Variants in UEVLD observed in about 807,000 individuals in gnomAD.
The protein encoded by UEVLD is ubiquitin-conjugating enzyme E2 variant 3.
In UEVLD, 47 loss-of-function variants were observed where a neutral mutation model predicts 58.6. The ratio of observed to expected loss-of-function variants is 0.80; its 90% CI spans 0.63 to 1.02. UEVLD has a LOEUF of 1.02. Ranked by LOEUF, UEVLD falls within the 50% of genes least tolerant of loss-of-function variation. The probability of loss-of-function intolerance (pLI) is 0.00; values close to 1 mark genes in which losing one functional copy is unlikely to be tolerated. For synonymous variants in UEVLD, 197 were observed against 195.3 expected (o/e 1.01, Z -0.07); for missense variants, 510 against 550.6 (o/e 0.93, Z 0.74).
chr11:18,560,825 A>G (rs1851996694), intron 6 of UEVLD, among the ~76,000 whole-genome samples: 1 of 152,130 alleles, frequency 6.6e-6, no homozygotes, highest in South Asian at 2.1e-4. Flanking sequence ...CCCGTAGCCA[A>G]CATGGTGAAA....
chr11:18,565,106 G>C, intron 5 of UEVLD, 96 bp from the exon 6 acceptor site: 1 of 863,080 alleles, frequency 1.2e-6, no homozygotes, highest in African/African-American at 1.7e-5. Flanking sequence ...ATAGCTTAGA[G>C]AGAAAATATG....
intron 1 of UEVLD, among the ~76,000 whole-genome samples, chr11:18,581,554 T>G (rs1006994623): frequency 2.6e-5 from 4 of 151,762 alleles, no homozygotes; most frequent in Non-Finnish European, 5.9e-5. Flanking sequence ...CATGCTGGCA[T>G]GCACCTGTAA....
At chr11:18,568,547 T>C (rs2134030797) in intron 4 of UEVLD, among the ~76,000 whole-genome samples, 1 of 152,332 alleles carries the variant, frequency 6.6e-6, no homozygotes, top group Admixed American at 6.5e-5. Context: ...TCCTTCCAAC[T>C]GACAAATTTT....
chr11:18,579,103 G>A (rs953136065), intron 1 of UEVLD, among the ~76,000 whole-genome samples: 6 of 152,030 alleles, frequency 3.9e-5, no homozygotes, highest in East Asian at 1.9e-4. Context: ...TCCTGACCTC[G>A]TGATCTGCCT....
intron 7 of UEVLD, among the ~76,000 whole-genome samples, chr11:18,555,113 G>T (rs965979321): frequency 1.3e-5 from 2 of 151,928 alleles, no homozygotes; most frequent in Non-Finnish European, 2.9e-5. Context: ...AACATAGTGG[G>T]ACCCTGTCTC....
At chr11:18,551,458 T>G (rs1026388322) in intron 7 of UEVLD, among the ~76,000 whole-genome samples, 10 of 136,154 alleles carry the variant, frequency 7.3e-5, no homozygotes, top group African/African-American at 2.5e-4. Context: ...GGATAAAAGT[T>G]CATTCGACAA....
chr11:18,550,774 G>C (rs1224727815), intron 7 of UEVLD, among the ~76,000 whole-genome samples: 2 of 152,208 alleles, frequency 1.3e-5, no homozygotes, highest in Non-Finnish European at 2.9e-5. Context: ...TGACCAAATA[G>C]AGTCTTCCAT....
Position 18,558,289 on chromosome 11 carries a change from C to G in UEVLD, c.654G>C (p.Gly218=). Residue 218 remains glycine (G), a synonymous_variant, in exon 7 of 12, where the codon GGG becomes GGC. Transcript: ENST00000396197. ...CAAGGTCCATCGTGGCTCCTTTAGT[C>G]CCTTCTGAGAGGTCTAAGAGGACAA... ...DRLVLLDLSE[G]TKGATMDLEI... 6.2e-7 allele frequency: 1 copy of G among 1,613,422 alleles called. No individual in the cohort carries two copies. The highest frequency in any genetic ancestry group is 8.5e-7 in the Non-Finnish European group (1 of 1,179,718).
At chr11:18,557,704 C>G (rs1851818983) in intron 7 of UEVLD, among the ~76,000 whole-genome samples, 1 of 152,104 alleles carries the variant, frequency 6.6e-6, no homozygotes, top group Admixed American at 6.6e-5. Context: ...GCTGGGACTA[C>G]AGTCATGAGC....
intron 1 of UEVLD, among the ~76,000 whole-genome samples, chr11:18,585,590 G>C (rs1375344488): frequency 6.6e-6 from 1 of 151,870 alleles, no homozygotes; most frequent in East Asian, 1.9e-4. Context: ...CTGATATTTG[G>C]TAGAGCAGGT....
chr11:18,580,048 T>C (rs1853149831), intron 1 of UEVLD, among the ~76,000 whole-genome samples: 1 of 150,024 alleles, frequency 6.7e-6, no homozygotes, highest in Admixed American at 6.6e-5. Flanking sequence ...TTTTTTTTTT[T>C]TTTTTTTTTT....
Position 18,588,733 on chromosome 11 carries a change from C to T in UEVLD, c.-79G>A. ...CGGACTTGCTGCAGGACGGAAGCCGCTGAGGACCAAACTTCCCGGCGGTCC... is the reference window on the plus strand; with the variant it reads ...CGGACTTGCTGCAGGACGGAAGCCGTTGAGGACCAAACTTCCCGGCGGTCC... On this transcript the variant is annotated 5_prime_UTR_variant, in exon 1 of 12. Transcript: ENST00000396197. The T allele has an allele frequency of 6.5e-7, 1 of 1,527,780 alleles. No homozygotes were observed. The allele number at this position is 1,527,780 out of a possible 1,614,324, so 94.6% of individuals were successfully genotyped here. A position where few individuals can be genotyped will look rare whatever the true frequency, so the allele number is the denominator to read the frequency against.
intron 9 of UEVLD, among the ~76,000 whole-genome samples, chr11:18,538,260 T>A (rs917759585): frequency 1.3e-5 from 2 of 152,016 alleles, no homozygotes; most frequent in Admixed American, 1.3e-4. Context: ...ATTATTCTTT[T>A]GTGTTCTCTT....
At chr11:18,564,614 T>C (rs1364547732) in intron 6 of UEVLD, among the ~76,000 whole-genome samples, 1 of 151,878 alleles carries the variant, frequency 6.6e-6, no homozygotes, top group Non-Finnish European at 1.5e-5. Context: ...ATTCAGAAAA[T>C]ACAAAAGAAT....
At chr11:18,539,298 A>C (rs776506243) in intron 9 of UEVLD, 7 of 151,438 alleles carry the variant, frequency 4.6e-5, no homozygotes, top group Non-Finnish European at 7.4e-5. Context: ...CGATCTCCTG[A>C]CCTTGTGATC....
At chr11:18,564,805 T>C (rs1042125169) in intron 6 of UEVLD, 87 bp downstream of exon 6, 22 of 919,870 alleles carry the variant, frequency 2.4e-5, no homozygotes, top group Non-Finnish European at 3.5e-5. Context: ...CACGACAAAA[T>C]GAAGGCATTT....
intron 7 of UEVLD, among the ~76,000 whole-genome samples, chr11:18,547,866 C>T (rs1247351331): frequency 6.6e-6 from 1 of 152,032 alleles, no homozygotes; most frequent in East Asian, 1.9e-4. Context: ...ATCTGTTTTA[C>T]TTATTAAGGA....
chr11:18,588,598 G>C lies in UEVLD; in HGVS notation c.42+15C>G. The C allele has an allele frequency of 2.5e-6, 4 of 1,609,540 alleles. No individual in the cohort carries two copies. The highest frequency in any genetic ancestry group is 3.4e-6 in the Non-Finnish European group (4 of 1,179,670). On this transcript the variant is annotated intron_variant, in intron 1 of 11. Transcript: ENST00000396197. Reference sequence around the variant, plus strand: ...GACCCTGAGGACCCAAACTGGCCCAGCGGACTGCCCGCACCTTGCCAAGCA... The same window carrying C: ...GACCCTGAGGACCCAAACTGGCCCACCGGACTGCCCGCACCTTGCCAAGCA...
At chr11:18,551,822 T>C (rs756287362) in intron 7 of UEVLD, among the ~76,000 whole-genome samples, 1 of 152,184 alleles carries the variant, frequency 6.6e-6, no homozygotes, top group Non-Finnish European at 1.5e-5. Context: ...GTCACAGTTA[T>C]ACTAAGGGAT....
Sources: allele counts gnomAD v4.1 joint callset (sites outside exome capture counted in the v4.1 genomes callset), GRCh38; gene constraint gnomAD v4.1.1; transcripts MANE v1.5; gene names NCBI Gene and HGNC (gene_info 2026-07-23, HGNC 2026-07-21).